The following ERBB4 variants were observed in gnomAD, a reference collection of about 807,000 sequenced individuals.
ERBB4 encodes receptor tyrosine-protein kinase erbB-4.
A neutral mutation model predicts 158.0 loss-of-function variants in ERBB4; 42 were observed. The observed-to-expected ratio is 0.27, with a 90% CI of 0.21 to 0.34. The LOEUF (loss-of-function observed/expected upper bound fraction) is 0.34, where lower values mean the gene tolerates loss of function less well. Among genes scored for constraint, ERBB4 ranks in the 10% least tolerant of loss-of-function variants. The pLI, the probability that ERBB4 is intolerant of heterozygous loss-of-function variation, is 1.00. For synonymous variants in ERBB4, 583 were observed against 558.7 expected (o/e 1.04, Z -0.61); for missense variants, 1,333 against 1,624.1 (o/e 0.82, Z 3.08).
chr2:211,704,772 G>C (rs1440094087), intron 10 of ERBB4, among the ~76,000 whole-genome samples: 1 of 152,122 alleles, frequency 6.6e-6, no homozygotes, highest in Non-Finnish European at 1.5e-5. Flanking sequence ...GTTGACACTT[G>C]CAAGAGTCGT....
At chr2:212,082,623 C>T (rs1161395895) in intron 2 of ERBB4, among the ~76,000 whole-genome samples, 1 of 151,782 alleles carries the variant, frequency 6.6e-6, no homozygotes, top group African/African-American at 2.4e-5. Flanking sequence ...CAAGTGGATT[C>T]GTATGACACT....
intron 2 of ERBB4, among the ~76,000 whole-genome samples, chr2:211,972,974 G>C (rs1410451875): frequency 6.6e-6 from 1 of 151,900 alleles, no homozygotes; most frequent in Non-Finnish European, 1.5e-5. Flanking sequence ...CCTACAAAAT[G>C]GGAGAAACAA....
At chr2:212,084,975 T>C (rs2078559984) in intron 2 of ERBB4, among the ~76,000 whole-genome samples, 1 of 151,994 alleles carries the variant, frequency 6.6e-6, no homozygotes, top group Non-Finnish European at 1.5e-5. Flanking sequence ...CTAAGTGTAA[T>C]AGTTCTCATT....
intron 7 of ERBB4, among the ~76,000 whole-genome samples, chr2:211,714,130 A>G (rs939058527): frequency 6.6e-6 from 1 of 152,184 alleles, no homozygotes; most frequent in African/African-American, 2.4e-5. Context: ...AACCTTTCTC[A>G]TATTTTTATA....
rs142238150 is a variant in ERBB4 at position 212,186,042 on chromosome 2, G to T, written c.83-61139C>A. Among the ~76,000 whole-genome samples, 446 of 152,188 alleles carry T rather than the reference G, an allele frequency of 2.9e-3. 2 individuals carry two copies. The highest frequency in any genetic ancestry group is 0.01 in the African/African-American group (427 of 41,536). On this transcript the variant is annotated intron_variant, in intron 1 of 27. Transcript: ENST00000342788. ...ATTGAATTCAAACGTTTGCTTACAA[G>T]AAATACATTGTTTTTAATTGTCTGT...
At chr2:211,755,689 G>T (rs2075274199) in intron 4 of ERBB4, among the ~76,000 whole-genome samples, 1 of 152,124 alleles carries the variant, frequency 6.6e-6, no homozygotes. Flanking sequence ...TGTAGCCTTT[G>T]CATTCCTTTG....
Position 211,722,052 on chromosome 2 carries a change from G to A in ERBB4, c.883+341C>T, listed in dbSNP as rs13415362. ...TAATTTTTGTATTTTCTGTAGAGAC[G>A]GGGTTTCACCATATTGGTCAGGCTG... On this transcript the variant is annotated intron_variant, in intron 7 of 27. Transcript: ENST00000342788. Among the ~76,000 whole-genome samples, 461 of 152,116 alleles carry A rather than the reference G, an allele frequency of 3.0e-3. 3 individuals are homozygous for A. The highest frequency in any genetic ancestry group is 0.011 in the African/African-American group (442 of 41,506).
intron 4 of ERBB4, among the ~76,000 whole-genome samples, chr2:211,780,125 G>C (rs910741825): frequency 4.6e-5 from 7 of 152,196 alleles, no homozygotes; most frequent in African/African-American, 1.7e-4. Flanking sequence ...ACTTTGTGAG[G>C]CTGTGGCGGG....
At chr2:211,869,400 TA>T (rs1371663700) in intron 3 of ERBB4, among the ~76,000 whole-genome samples, 1 of 152,218 alleles carries the variant, frequency 6.6e-6, no homozygotes, top group Non-Finnish European at 1.5e-5. Flanking sequence ...AGCTTAAATG[TA>T]ATTTCATCTA....
Position 211,679,834 on chromosome 2 carries a change from C to T in ERBB4, c.1490-650G>A, listed in dbSNP as rs564066202. On this transcript the variant is annotated intron_variant, in intron 12 of 27. Coordinates refer to ENST00000342788, the MANE Select transcript of ERBB4 (RefSeq NM_005235.3). ...AGCTGGGATTACAGGCTCACACTAC[C>T]ACGCCCAGATAATTTTTGTATTTTT... Among the ~76,000 whole-genome samples, 483 of 151,530 alleles carry T rather than the reference C, an allele frequency of 3.2e-3. 2 individuals are homozygous for T. The highest frequency in any genetic ancestry group is 0.011 in the African/African-American group (439 of 41,334).
intron 2 of ERBB4, among the ~76,000 whole-genome samples, chr2:212,008,178 A>T (rs1559304740): frequency 6.6e-6 from 1 of 152,062 alleles, no homozygotes. Context: ...TTTATCTTTA[A>T]TCAGCATTAT....
rs376421065 is a variant in ERBB4, at chr2:211,705,413, T to C, written c.1125-22A>G. On this transcript the variant is annotated intron_variant, in intron 9 of 27. Coordinates refer to ENST00000342788, the MANE Select transcript of ERBB4 (RefSeq NM_005235.3). ...GTCCCTAGAAAATCAAGAAGAGATG[T>C]AGCCAAATTTAAATTTTACTAAAGG... 31 of 1,476,814 alleles carry C rather than the reference T, an allele frequency of 2.1e-5. No individual in the cohort carries two copies. The African/African-American group carries it at 3.9e-4, about 19-fold the overall frequency. The allele number at this position is 1,476,814 out of a possible 1,614,324, so 91.5% of individuals were successfully genotyped here.
chr2:212,004,884 A>T (rs929613826), intron 2 of ERBB4, among the ~76,000 whole-genome samples: 5 of 152,074 alleles, frequency 3.3e-5, no homozygotes, highest in African/African-American at 1.2e-4. Flanking sequence ...GATTTAACTA[A>T]ATTACATGAT....
At chr2:211,932,118 T>C (rs2080193953) in intron 3 of ERBB4, among the ~76,000 whole-genome samples, 1 of 152,092 alleles carries the variant, frequency 6.6e-6, no homozygotes, top group African/African-American at 2.4e-5. Flanking sequence ...TTTGGAAATA[T>C]TGTTTTTATA....
chr2:211,624,321 G>A lies in ERBB4; in HGVS notation c.2080-277C>T, dbSNP rs951175346. ...CCTACCTTGAGGCATACTAGGCTACGAGATTTGATGCATTAAAGAAGGAAA... is the reference window on the plus strand; with the variant it reads ...CCTACCTTGAGGCATACTAGGCTACAAGATTTGATGCATTAAAGAAGGAAA... On this transcript the variant is annotated intron_variant, in intron 17 of 27. Coordinates refer to ENST00000342788, the MANE Select transcript of ERBB4 (RefSeq NM_005235.3). 3.9e-5 allele frequency among the ~76,000 whole-genome samples: 6 copies of A among 152,066 alleles called. No individual in the cohort carries two copies. In the South Asian group the frequency reaches 6.2e-4, roughly 16 times the overall value.
intron 3 of ERBB4, among the ~76,000 whole-genome samples, chr2:211,824,943 T>C (rs2077067005): frequency 6.6e-6 from 1 of 152,000 alleles, no homozygotes; most frequent in African/African-American, 2.4e-5. Flanking sequence ...CTCTACATTC[T>C]ACACTAGGGT....
At chr2:211,750,141 A>G (rs1180965878) in intron 5 of ERBB4, among the ~76,000 whole-genome samples, 7 of 152,226 alleles carry the variant, frequency 4.6e-5, no homozygotes, top group Non-Finnish European at 1.0e-4. Context: ...GGCAATAGTC[A>G]TTGTCAAAAA....
At chr2:211,424,064 T>A (rs906071939) in intron 23 of ERBB4, 91 bp downstream of exon 23, 2 of 1,299,916 alleles carry the variant, frequency 1.5e-6, no homozygotes, top group Non-Finnish European at 2.2e-6. Flanking sequence ...GTCGTATTTT[T>A]CAATACAGAG....
chr2:212,164,168 T>C (rs971954879), intron 1 of ERBB4, among the ~76,000 whole-genome samples: 7 of 151,880 alleles, frequency 4.6e-5, no homozygotes, highest in Admixed American at 2.6e-4. Flanking sequence ...TAGACACATA[T>C]AGCGCTGCAC....
Sources: gnomAD v4.1 joint callset for allele counts (sites outside exome capture counted in the v4.1 genomes callset) on GRCh38, gnomAD v4.1.1 for gene constraint, MANE v1.5 for transcripts, NCBI Gene and HGNC (gene_info 2026-07-23, HGNC 2026-07-21) for gene names.